SHCBP1L: variants seen among roughly 807,000 people sequenced by gnomAD.
The protein encoded by SHCBP1L is SHC binding and spindle associated 1 like.
Under a neutral mutation model 62.5 loss-of-function variants are expected in SHCBP1L, and 67 were observed. The ratio of observed to expected loss-of-function variants is 1.07; its 90% CI spans 0.88 to 1.31. The LOEUF (loss-of-function observed/expected upper bound fraction) is 1.31, where lower values mean the gene tolerates loss of function less well. SHCBP1L is among the 40% of genes most tolerant of loss of function. The pLI, the probability that SHCBP1L is intolerant of heterozygous loss-of-function variation, is 0.00. For synonymous variants in SHCBP1L, 284 were observed against 289.4 expected, an observed-to-expected ratio of 0.98 and a Z score of 0.19; for missense variants, 823 against 809.8, an observed-to-expected ratio of 1.02 and a Z score of -0.20.
At chr1:182,914,390 C>T (rs1650286978) in intron 6 of SHCBP1L, among the ~76,000 whole-genome samples, 1 of 152,044 alleles carries the variant, frequency 6.6e-6, no homozygotes. Flanking sequence ...TTTGTGACTC[C>T]TTTTTTTGTT....
chr1:182,900,678 G>T (rs920901251), intron 9 of SHCBP1L, among the ~76,000 whole-genome samples: 2 of 152,210 alleles, frequency 1.3e-5, no homozygotes, highest in South Asian at 2.1e-4. Flanking sequence ...TGATCCACCC[G>T]CCTTGGCTTC....
rs1365645524 is a variant in SHCBP1L, at chr1:182,903,164, G to A, written c.1588-3C>T. 22 of 1,528,822 alleles carry A rather than the reference G, an allele frequency of 1.4e-5. No individual in the cohort carries two copies. Among genetic ancestry groups the A allele is most frequent in the Non-Finnish European group, 1.9e-5 (22 of 1,141,180 alleles). 94.7% of individuals were successfully genotyped at this position (1,528,822 alleles called of 1,614,324 possible). A position where few individuals can be genotyped will look rare whatever the true frequency, so the allele number is the denominator to read the frequency against. On this transcript the variant is annotated splice_polypyrimidine_tract_variant and splice_region_variant and intron_variant, in intron 8 of 9. Transcript: ENST00000367547. ...GGATACAGTTCAACACCAGCACCCT[G>A]TAAATTAAAAGCAAATAAAACTATC...
intron 6 of SHCBP1L, among the ~76,000 whole-genome samples, chr1:182,909,415 A>C (rs1650111223): frequency 6.6e-6 from 1 of 152,226 alleles, no homozygotes; most frequent in Non-Finnish European, 1.5e-5. Context: ...AACACTGAGG[A>C]ATATTTAACA....
chr1:182,904,534 CGT>C (rs61031217), intron 7 of SHCBP1L, 104 bp from the exon 8 acceptor site: 156,458 of 595,540 alleles, frequency 0.26, 10,601 homozygotes, highest in Non-Finnish European at 0.27. Flanking sequence ...TCCCTGTGTG[CGT>C]GTGTGTGTGT....
rs1312278418 is a variant in SHCBP1L, at chr1:182,900,122, GCTT to G, written c.1820_1822del (p.Glu607del). The G allele has an allele frequency of 2.5e-6, 4 of 1,612,336 alleles. No homozygotes were observed. Among genetic ancestry groups the G allele is most frequent in the East Asian group, 2.2e-5 (1 of 44,748 alleles). ...TCCTGAAGAAGCCCTTTTGTTGAGA[GCTT>G]CTTCTGCTACGATAAAAAACTGTTC... On this transcript the variant is annotated inframe_deletion, in exon 10 of 10. Coordinates refer to ENST00000367547, the MANE Select transcript of SHCBP1L (RefSeq NM_030933.4).
Position 182,910,637 on chromosome 1 carries a change from A to G in SHCBP1L, c.1183-4988T>C, listed in dbSNP as rs183551822. The stretch of plus-strand genomic sequence containing the variant: ...GGCTTGAAAGGAATCAGGGCTTCCC[A>G]TATACCAGGAAATCAGTAGTGAAAT... On this transcript the variant is annotated intron_variant, in intron 6 of 9. Coordinates refer to ENST00000367547, the MANE Select transcript of SHCBP1L (RefSeq NM_030933.4). Among the ~76,000 whole-genome samples the G allele has an allele frequency of 3.2e-4, 49 of 152,334 alleles. No homozygotes were observed. The East Asian group carries it at 7.1e-3, about 22-fold the overall frequency.
Position 182,904,528 on chromosome 1 carries a change from T to TGTGTGC in SHCBP1L, c.1337-104_1337-99dup, listed in dbSNP as rs1491168306. ...TACTGCTGTTACTAAAGTTTTTCCC[T>TGTGTGC]GTGTGCGTGTGTGTGTGTGTGTGTG... On this transcript the variant is annotated intron_variant, in intron 7 of 9. Coordinates refer to ENST00000367547, the MANE Select transcript of SHCBP1L (RefSeq NM_030933.4). 5 of 1,125,200 alleles carry TGTGTGC rather than the reference T, an allele frequency of 4.4e-6. No homozygotes were observed. In the East Asian group the frequency reaches 1.0e-4, roughly 23 times the overall value. 69.7% of individuals were successfully genotyped at this position (1,125,200 alleles called of 1,614,324 possible).
At chr1:182,906,614 T>C (rs1650021998) in intron 6 of SHCBP1L, among the ~76,000 whole-genome samples, 1 of 151,694 alleles carries the variant, frequency 6.6e-6, no homozygotes, top group African/African-American at 2.4e-5. Flanking sequence ...GTATTTTTAG[T>C]AGAGACAGGG....
chr1:182,913,152 A>C (rs1650242848), intron 6 of SHCBP1L, among the ~76,000 whole-genome samples: 1 of 152,044 alleles, frequency 6.6e-6, no homozygotes, highest in Non-Finnish European at 1.5e-5. Flanking sequence ...TAATTAATTA[A>C]TTAAATTAAC....
At chr1:182,905,743 A>G (rs551813253) in intron 6 of SHCBP1L, 94 bp from the exon 7 acceptor site, 1 of 1,177,120 alleles carries the variant, frequency 8.5e-7, no homozygotes, top group East Asian at 2.5e-5. Flanking sequence ...ACTTTTCCCA[A>G]AAGACTTATC....
intron 1 of SHCBP1L, among the ~76,000 whole-genome samples, chr1:182,952,235 T>TATATATATAC (rs1651796265): frequency 2.3e-5 from 1 of 42,834 alleles, no homozygotes; most frequent in African/African-American, 1.1e-4. Flanking sequence ...TATATATATA[T>TATATATATAC]ACACACACAC....
Position 182,939,317 on chromosome 1 carries a change from T to A in SHCBP1L, c.935A>T (p.Asn312Ile). ...RFKKTLEKYK[N>I]KRVELIEYQS... Reference sequence around the variant, plus strand: ...ATACTCAATGAGCTCGACACGTTTGTTTTTATATTTCTCCAAAGTTTTTTT... The same window carrying A: ...ATACTCAATGAGCTCGACACGTTTGATTTTATATTTCTCCAAAGTTTTTTT... Residue 312 changes from asparagine (N) to isoleucine (I), a missense_variant, in exon 5 of 10, where the codon AAC (asparagine) becomes ATC (isoleucine). Transcript: ENST00000367547. 6.2e-7 allele frequency: 1 copy of A among 1,613,992 alleles called. No individual in the cohort carries two copies. The highest frequency in any genetic ancestry group is 8.5e-7 in the Non-Finnish European group (1 of 1,179,948).
intron 6 of SHCBP1L, among the ~76,000 whole-genome samples, chr1:182,924,619 G>C (rs997065091): frequency 6.7e-6 from 1 of 149,766 alleles, no homozygotes; most frequent in Non-Finnish European, 1.5e-5. Context: ...TTGTTAAAAT[G>C]ACCATGCTGA....
At chr1:182,949,827 C>CTTT (rs1193224921) in intron 2 of SHCBP1L, among the ~76,000 whole-genome samples, 2 of 136,936 alleles carry the variant, frequency 1.5e-5, no homozygotes, top group African/African-American at 5.5e-5. Context: ...ATATGGTATT[C>CTTT]TTTTTTTTTT....
chr1:182,948,276 C>A (rs1287640233), intron 2 of SHCBP1L, among the ~76,000 whole-genome samples: 1 of 152,196 alleles, frequency 6.6e-6, no homozygotes, highest in Non-Finnish European at 1.5e-5. Flanking sequence ...CAAAGACGTC[C>A]ATTCCCTAAT....
intron 6 of SHCBP1L, among the ~76,000 whole-genome samples, chr1:182,907,556 C>CTTATTA (rs1316179932): frequency 6.0e-5 from 9 of 149,828 alleles, no homozygotes; most frequent in African/African-American, 1.5e-4. Flanking sequence ...ATATATCTTT[C>CTTATTA]TTATTCTTAT....
rs77465244 is a variant in SHCBP1L at position 182,951,531 on chromosome 1, T to C, written c.406-64A>G. 4 of 406,092 alleles carry C rather than the reference T, an allele frequency of 9.8e-6. No individual in the cohort carries two copies. The Admixed American group carries it at 1.6e-4, about 16-fold the overall frequency. The allele number at this position is 406,092 out of a possible 1,614,324, so 25.2% of individuals were successfully genotyped here. On this transcript the variant is annotated intron_variant, in intron 1 of 9. Coordinates refer to ENST00000367547, the MANE Select transcript of SHCBP1L (RefSeq NM_030933.4). ...AAATTATAGATTTTAAACTAAGTGG[T>C]TTTTTTTTTTTTTACTGATTTCTAT... is the stretch of plus-strand genomic sequence containing the variant.
intron 9 of SHCBP1L, among the ~76,000 whole-genome samples, chr1:182,901,947 A>G (rs567585070): frequency 6.6e-6 from 1 of 152,208 alleles, no homozygotes; most frequent in Admixed American, 6.5e-5. Flanking sequence ...TTCAAGGACC[A>G]CTGAAAAACT....
chr1:182,931,524 T>C (rs1169696966), intron 5 of SHCBP1L, among the ~76,000 whole-genome samples: 4 of 152,230 alleles, frequency 2.6e-5, no homozygotes, highest in Non-Finnish European at 5.9e-5. Flanking sequence ...AGTTTCCTCA[T>C]GCATCTTTGC....
Sources: gnomAD v4.1 joint callset for allele counts (sites outside exome capture counted in the v4.1 genomes callset) on GRCh38, gnomAD v4.1.1 for gene constraint, MANE v1.5 for transcripts, NCBI Gene and HGNC (gene_info 2026-07-23, HGNC 2026-07-21) for gene names.